The following ARHGAP15 variants were observed in gnomAD, a reference collection of about 807,000 sequenced individuals.
The protein encoded by ARHGAP15 is Rho GTPase activating protein 15.
A neutral mutation model predicts 63.7 loss-of-function variants in ARHGAP15; 51 were observed. That is an observed-to-expected ratio of 0.80 (90% CI 0.64 to 1.01). The LOEUF is 1.01. Ranked by LOEUF, ARHGAP15 falls within the 50% of genes least tolerant of loss-of-function variation. The pLI is 0.00. For missense variants in ARHGAP15, 560 were observed against 564.6 expected (o/e 0.99, Z 0.08); for synonymous variants, 191 against 193.8 (o/e 0.99, Z 0.12).
chr2:143,334,541 T>C (rs748860893), intron 6 of ARHGAP15, among the ~76,000 whole-genome samples: 13 of 152,198 alleles, frequency 8.5e-5, no homozygotes, highest in Non-Finnish European at 1.8e-4. Context: ...CCAATGGTGA[T>C]AAGATGTAAA....
chr2:143,593,066 A>C (rs147881284), intron 11 of ARHGAP15, among the ~76,000 whole-genome samples: 4 of 152,334 alleles, frequency 2.6e-5, no homozygotes, highest in African/African-American at 9.6e-5. Flanking sequence ...TTTTGTGGAC[A>C]AATTGGATTC....
intron 2 of ARHGAP15, among the ~76,000 whole-genome samples, chr2:143,197,711 C>A (rs536669061): frequency 6.6e-6 from 1 of 152,046 alleles, no homozygotes; most frequent in South Asian, 2.1e-4. Flanking sequence ...GTGATGAAAG[C>A]TCTCTTTTTT....
intron 6 of ARHGAP15, among the ~76,000 whole-genome samples, chr2:143,283,470 C>G (rs1031635976): frequency 2.6e-5 from 4 of 152,132 alleles, no homozygotes; most frequent in African/African-American, 9.7e-5. Context: ...CATGACTCTA[C>G]TCTTGTATTA....
At chr2:143,198,255 AT>A (rs1691963263) in intron 2 of ARHGAP15, among the ~76,000 whole-genome samples, 1 of 152,010 alleles carries the variant, frequency 6.6e-6, no homozygotes, top group Admixed American at 6.6e-5. Context: ...AGCATACAAT[AT>A]TATCTTTGTA....
At chr2:143,255,449 TG>T (rs1397227082) in intron 6 of ARHGAP15, among the ~76,000 whole-genome samples, 1 of 152,170 alleles carries the variant, frequency 6.6e-6, no homozygotes, top group African/African-American at 2.4e-5. Flanking sequence ...TGACTTTGGA[TG>T]GAGTCTTCTG....
intron 13 of ARHGAP15, among the ~76,000 whole-genome samples, chr2:143,760,923 C>T (rs1284244089): frequency 1.3e-5 from 2 of 151,926 alleles, no homozygotes; most frequent in Non-Finnish European, 2.9e-5. Flanking sequence ...TAAAAAATGG[C>T]TGAATTATCT....
At chr2:143,204,083 A>G (rs1692228697) in intron 3 of ARHGAP15, among the ~76,000 whole-genome samples, 1 of 152,126 alleles carries the variant, frequency 6.6e-6, no homozygotes, top group African/African-American at 2.4e-5. Context: ...CGTAACATAA[A>G]TGAACACCAA....
intron 1 of ARHGAP15, among the ~76,000 whole-genome samples, chr2:143,140,169 G>A (rs1487268832): frequency 6.6e-6 from 1 of 151,990 alleles, no homozygotes; most frequent in African/African-American, 2.4e-5. Flanking sequence ...ATAAAATTAT[G>A]AAACTCATCA....
intron 2 of ARHGAP15, among the ~76,000 whole-genome samples, chr2:143,186,684 C>T (rs992719511): frequency 2.0e-5 from 3 of 152,106 alleles, no homozygotes; most frequent in African/African-American, 7.2e-5. Flanking sequence ...TGCTAAATGC[C>T]CAGGACCACA....
At chr2:143,443,776 A>G (rs977217204) in intron 8 of ARHGAP15, among the ~76,000 whole-genome samples, 1 of 152,168 alleles carries the variant, frequency 6.6e-6, no homozygotes, top group Non-Finnish European at 1.5e-5. Context: ...ATTTATCAGA[A>G]TAGTATTATG....
chr2:143,528,015 C>T (rs1574581776), intron 10 of ARHGAP15, among the ~76,000 whole-genome samples: 1 of 152,050 alleles, frequency 6.6e-6, no homozygotes, highest in South Asian at 2.1e-4. Flanking sequence ...TATCAATACA[C>T]AGCTATGCTA....
intron 10 of ARHGAP15, among the ~76,000 whole-genome samples, chr2:143,552,486 C>T (rs926956533): frequency 6.6e-6 from 1 of 151,626 alleles, no homozygotes; most frequent in East Asian, 1.9e-4. Context: ...TTCCACTGGG[C>T]TTAGACCACC....
intron 13 of ARHGAP15, among the ~76,000 whole-genome samples, chr2:143,712,728 A>T (rs1440932267): frequency 6.6e-6 from 1 of 151,958 alleles, no homozygotes; most frequent in Non-Finnish European, 1.5e-5. Flanking sequence ...ACCTAGAATA[A>T]CCTCAGCTTA....
intron 5 of ARHGAP15, among the ~76,000 whole-genome samples, 174 bp from the exon 6 acceptor site, chr2:143,250,337 G>T (rs1310797445): frequency 6.6e-6 from 1 of 151,794 alleles, no homozygotes; most frequent in Non-Finnish European, 1.5e-5. Context: ...TTTAGACATT[G>T]AAAAAAATTA....
intron 13 of ARHGAP15, among the ~76,000 whole-genome samples, chr2:143,745,378 CA>C (rs1559157653): frequency 1.3e-5 from 2 of 152,212 alleles, no homozygotes. Flanking sequence ...CCAGGTGAAG[CA>C]AATCTGTGTG....
At chr2:143,494,001 T>G (rs1033499619) in intron 9 of ARHGAP15, among the ~76,000 whole-genome samples, 37 of 152,284 alleles carry the variant, frequency 2.4e-4, no homozygotes, top group African/African-American at 8.4e-4. Flanking sequence ...TCAGAATCAT[T>G]GGGGGGTTTT....
At chr2:143,407,957 G>T (rs1310574566) in intron 6 of ARHGAP15, among the ~76,000 whole-genome samples, 9 of 133,458 alleles carry the variant, frequency 6.7e-5, no homozygotes, top group Non-Finnish European at 1.1e-4. Context: ...TTCTTCTGGT[G>T]TGGGTTTTTA....
chr2:143,461,276 T>C (rs1246005863), intron 8 of ARHGAP15, among the ~76,000 whole-genome samples: 1 of 71,376 alleles, frequency 1.4e-5, no homozygotes, highest in Non-Finnish European at 2.4e-5. Flanking sequence ...TGAGACTCTG[T>C]CTCTCAAAAA....
At chr2:143,461,949 G>A (rs749083838) in intron 8 of ARHGAP15, among the ~76,000 whole-genome samples, 11 of 152,020 alleles carry the variant, frequency 7.2e-5, no homozygotes, top group Admixed American at 2.0e-4. Context: ...AAGGCTGATC[G>A]CTTGAGCAGC....
Sources: gnomAD v4.1 joint callset for allele counts (sites outside exome capture counted in the v4.1 genomes callset) on GRCh38, gnomAD v4.1.1 for gene constraint, MANE v1.5 for transcripts, NCBI Gene and HGNC (gene_info 2026-07-23, HGNC 2026-07-21) for gene names.